TEX11: variants seen among roughly 807,000 people sequenced by gnomAD.
TEX11 encodes testis-expressed protein 11.
TEX11 carries 7 observed loss-of-function variants against 84.4 expected under a neutral mutation model. The observed-to-expected ratio is 0.08, with a 90% CI of 0.05 to 0.16. The LOEUF is 0.16. TEX11 is among the 10% of genes least tolerant of loss of function. TEX11 has a pLI of 1.00. For synonymous variants in TEX11, 264 were observed against 222.8 expected (o/e 1.18, Z -1.64); for missense variants, 551 against 660.5 (o/e 0.83, Z 1.82).
intron 2 of TEX11, among the ~76,000 whole-genome samples, chrX:70,884,887 G>A (rs149300793): frequency 8.7e-4 from 97 of 110,923 alleles, no homozygotes; most frequent in African/African-American, 2.9e-3. Flanking sequence ...CCAGCTCTCT[G>A]CTTCCTGGTG....
the TEX11 span, among the ~76,000 whole-genome samples, chrX:70,516,277 C>A: frequency 8.9e-6 from 1 of 111,972 alleles, no homozygotes; most frequent in Admixed American, 9.5e-5. Flanking sequence ...AGTCTTTAAT[C>A]CACCTTGAAT....
At chrX:70,882,661 G>C (rs191057227) in intron 2 of TEX11, among the ~76,000 whole-genome samples, 125 of 110,296 alleles carry the variant, frequency 1.1e-3, no homozygotes, top group African/African-American at 4.1e-3. Flanking sequence ...CACACCTGTA[G>C]TTCCAGCTAC....
chrX:70,868,648 C>T (rs192001603), intron 4 of TEX11, among the ~76,000 whole-genome samples: 78 of 111,573 alleles, frequency 7.0e-4, no homozygotes, highest in South Asian at 2.6e-3. Context: ...CAATGATAGA[C>T]TGGATAAAGA....
intron 3 of TEX11, among the ~76,000 whole-genome samples, chrX:70,879,608 G>C (rs968851032): frequency 3.6e-5 from 4 of 111,013 alleles, no homozygotes; most frequent in African/African-American, 9.8e-5. Flanking sequence ...CTACTTTGTT[G>C]CAAAGGGAAG....
At chrX:70,803,256 T>C (rs1569445308) in intron 9 of TEX11, among the ~76,000 whole-genome samples, 1 of 112,495 alleles carries the variant, frequency 8.9e-6, no homozygotes, top group Non-Finnish European at 1.9e-5. Flanking sequence ...TTTAATACAT[T>C]GAGGCAAATA....
the TEX11 span, among the ~76,000 whole-genome samples, chrX:70,520,491 C>T: frequency 2.7e-5 from 3 of 112,001 alleles, no homozygotes; most frequent in Non-Finnish European, 5.6e-5. Flanking sequence ...AATATTGCTG[C>T]CTGATTCTTC....
chrX:70,803,183 CT>C (rs1447180223), intron 9 of TEX11, among the ~76,000 whole-genome samples: 8 of 111,939 alleles, frequency 7.1e-5, no homozygotes, highest in Non-Finnish European at 1.9e-5. Flanking sequence ...ATTTCCAAAC[CT>C]TGCATTCGGA....
chrX:70,800,939 T>A (rs750288428), intron 9 of TEX11, among the ~76,000 whole-genome samples: 1 of 111,384 alleles, frequency 9.0e-6, no homozygotes, highest in Non-Finnish European at 1.9e-5. Context: ...AAGCAGCAAA[T>A]ACAAATTATA....
intron 9 of TEX11, among the ~76,000 whole-genome samples, chrX:70,783,722 C>A (rs1391560755): frequency 8.9e-6 from 1 of 111,857 alleles, no homozygotes; most frequent in Non-Finnish European, 1.9e-5. Flanking sequence ...ACAAGAAAAT[C>A]TCGAGGGAAT....
At chrX:70,791,785 C>A (rs1449864215) in intron 9 of TEX11, among the ~76,000 whole-genome samples, 4 of 111,667 alleles carry the variant, frequency 3.6e-5, no homozygotes, top group African/African-American at 1.3e-4. Flanking sequence ...AAAATTAAGG[C>A]AGAAATAAAA....
intron 11 of TEX11, among the ~76,000 whole-genome samples, chrX:70,728,435 G>A (rs1483874488): frequency 1.8e-5 from 2 of 112,878 alleles, no homozygotes; most frequent in Admixed American, 9.3e-5. Flanking sequence ...AGTGACAGAT[G>A]GCACCTGGAA....
chrX:70,692,904 T>C (rs2090248490), intron 13 of TEX11, among the ~76,000 whole-genome samples: 1 of 111,639 alleles, frequency 9.0e-6, no homozygotes, highest in South Asian at 3.8e-4. Flanking sequence ...CATACTGTTT[T>C]CCACAGGGGT....
intron 9 of TEX11, among the ~76,000 whole-genome samples, chrX:70,764,411 T>C (rs2090927374): frequency 9.0e-6 from 1 of 111,055 alleles, no homozygotes; most frequent in African/African-American, 3.3e-5. Context: ...ACAATACACC[T>C]TTAAGGACTA....
chrX:70,730,951 G>A (rs2090644073), intron 11 of TEX11, among the ~76,000 whole-genome samples: 1 of 111,944 alleles, frequency 8.9e-6, no homozygotes, highest in Non-Finnish European at 1.9e-5. Flanking sequence ...ATAACAAACA[G>A]TCTCTCAGAC....
chrX:70,660,453 G>T (rs2089913685), intron 16 of TEX11, among the ~76,000 whole-genome samples: 1 of 111,992 alleles, frequency 8.9e-6, no homozygotes, highest in Non-Finnish European at 1.9e-5. Flanking sequence ...TATTCTACAA[G>T]ATTTTTGATT....
At chrX:70,671,880 G>GATATATATATATAT (rs67645855) in intron 15 of TEX11, among the ~76,000 whole-genome samples, 29 of 66,298 alleles carry the variant, frequency 4.4e-4, no homozygotes, top group Admixed American at 9.0e-4. Flanking sequence ...CAATTGTTTT[G>GATATATATATATAT]ATATATATAT....
intron 8 of TEX11, among the ~76,000 whole-genome samples, chrX:70,831,364 C>T (rs766890064): frequency 1.0e-3 from 116 of 111,224 alleles, no homozygotes; most frequent in African/African-American, 3.6e-3. Context: ...CAGTGGCTCC[C>T]GTCTATAATC....
intron 25 of TEX11, among the ~76,000 whole-genome samples, chrX:70,558,214 A>G (rs994164771): frequency 1.9e-5 from 2 of 106,695 alleles, no homozygotes; most frequent in East Asian, 5.9e-4. Flanking sequence ...TGGTACTGAC[A>G]TAAGGATATA....
intron 8 of TEX11, among the ~76,000 whole-genome samples, chrX:70,807,408 T>C (rs771210786): frequency 2.7e-5 from 3 of 112,123 alleles, no homozygotes; most frequent in Non-Finnish European, 5.6e-5. Context: ...GAGATGAAAG[T>C]AGGAACAAGT....
Sources: allele counts gnomAD v4.1 joint callset (sites outside exome capture counted in the v4.1 genomes callset), GRCh38; gene constraint gnomAD v4.1.1; transcripts MANE v1.5; gene names NCBI Gene and HGNC (gene_info 2026-07-23, HGNC 2026-07-21).